Variants in ZNF804A observed in about 807,000 individuals in gnomAD.
ZNF804A encodes the protein zinc finger protein 804A.
Under a neutral mutation model 16.5 loss-of-function variants are expected in ZNF804A, and 2 were observed. That is an observed-to-expected ratio of 0.12 (90% CI 0.05 to 0.38). ZNF804A has a LOEUF of 0.38. ZNF804A is among the 10% of genes least tolerant of loss of function. ZNF804A has a pLI of 0.99. For synonymous variants in ZNF804A, 534 were observed against 489.6 expected (o/e 1.09, Z -1.20); for missense variants, 1,473 against 1,390.7 (o/e 1.06, Z -0.94).
chr2:184,639,824 A>G (rs1256435586), intron 1 of ZNF804A, among the ~76,000 whole-genome samples: 1 of 152,064 alleles, frequency 6.6e-6, no homozygotes, highest in Non-Finnish European at 1.5e-5. Context: ...AATATGGTGA[A>G]ACCCCGTCTC....
chr2:184,799,845 G>A (rs756051372), intron 1 of ZNF804A, among the ~76,000 whole-genome samples: 4 of 152,052 alleles, frequency 2.6e-5, no homozygotes, highest in Non-Finnish European at 4.4e-5. Context: ...CAGTTAGCCA[G>A]CAATTGTTTT....
At chr2:184,701,061 A>G (rs1173249407) in intron 1 of ZNF804A, among the ~76,000 whole-genome samples, 1 of 151,990 alleles carries the variant, frequency 6.6e-6, no homozygotes, top group Non-Finnish European at 1.5e-5. Context: ...ACCACATCAC[A>G]TTGAACCTCA....
chr2:184,688,794 C>T (rs1443161956), intron 1 of ZNF804A, among the ~76,000 whole-genome samples: 2 of 152,006 alleles, frequency 1.3e-5, no homozygotes, highest in Non-Finnish European at 2.9e-5. Context: ...CTTAATGATA[C>T]CCTAAAACCT....
At chr2:184,928,091 A>G (rs1583049) in intron 2 of ZNF804A, among the ~76,000 whole-genome samples, 104,577 of 151,732 alleles carry the variant, frequency 0.69, 36,280 homozygotes, top group East Asian at 0.85. Flanking sequence ...GCTGAGTTTC[A>G]CTGGGAGCCA....
intron 1 of ZNF804A, among the ~76,000 whole-genome samples, chr2:184,720,069 A>T (rs928836828): frequency 4.6e-5 from 7 of 152,124 alleles, no homozygotes; most frequent in Admixed American, 4.6e-4. Flanking sequence ...CATGGCAGAA[A>T]CTGAAATGCA....
At chr2:184,651,551 A>G (rs1559117843) in intron 1 of ZNF804A, among the ~76,000 whole-genome samples, 1 of 152,040 alleles carries the variant, frequency 6.6e-6, no homozygotes, top group East Asian at 1.9e-4. Context: ...TCTGACAAAC[A>G]TATCTATATC....
At position 184,693,695 on chromosome 2, in the gene ZNF804A, AT is replaced by A. The variant is rs1301834295; in HGVS notation, c.111+94632del. 2.0e-5 allele frequency among the ~76,000 whole-genome samples: 3 copies of A among 151,976 alleles called. No individual in the cohort carries two copies. In the South Asian group the frequency reaches 6.2e-4, roughly 32 times the overall value. On this transcript the variant is annotated intron_variant, in intron 1 of 3. Coordinates refer to ENST00000302277, the MANE Select transcript of ZNF804A (RefSeq NM_194250.2). ...TAGTTCCTATATGTGCCTATGCATT[AT>A]TTTTTTCTTTATTTTGTAAATGTTC...
intron 2 of ZNF804A, among the ~76,000 whole-genome samples, chr2:184,916,196 A>T (rs1343000855): frequency 6.6e-6 from 1 of 152,170 alleles, no homozygotes; most frequent in Admixed American, 6.5e-5. Context: ...AGGAAGCTTT[A>T]AGCCTATGGA....
intron 1 of ZNF804A, among the ~76,000 whole-genome samples, chr2:184,729,418 C>G (rs371943784): frequency 6.6e-6 from 1 of 151,910 alleles, no homozygotes; most frequent in African/African-American, 2.4e-5. Context: ...TATATGCCAA[C>G]AGTGAAACCA....
intron 1 of ZNF804A, among the ~76,000 whole-genome samples, chr2:184,860,049 G>T (rs1695772661): frequency 6.6e-6 from 1 of 152,210 alleles, no homozygotes; most frequent in African/African-American, 2.4e-5. Context: ...ATGAGGACTG[G>T]CTTGGAACCT....
intron 1 of ZNF804A, among the ~76,000 whole-genome samples, chr2:184,753,458 G>A (rs1389157734): frequency 6.6e-6 from 1 of 151,528 alleles, no homozygotes; most frequent in Non-Finnish European, 1.5e-5. Context: ...TTACAAAAAT[G>A]CCTCTCTGAT....
At chr2:184,615,712 G>C (rs1188141491) in intron 1 of ZNF804A, among the ~76,000 whole-genome samples, 3 of 152,026 alleles carry the variant, frequency 2.0e-5, no homozygotes, top group Non-Finnish European at 4.4e-5. Flanking sequence ...AGTGATATAA[G>C]GAATGTAGTT....
intron 1 of ZNF804A, among the ~76,000 whole-genome samples, chr2:184,670,636 T>C (rs1692326959): frequency 6.6e-6 from 1 of 152,150 alleles, no homozygotes; most frequent in Admixed American, 6.5e-5. Flanking sequence ...CTATGCCTTT[T>C]TAATACAATT....
chr2:184,880,400 A>G (rs1684790721), intron 2 of ZNF804A, among the ~76,000 whole-genome samples: 1 of 152,008 alleles, frequency 6.6e-6, no homozygotes, highest in African/African-American at 2.4e-5. Flanking sequence ...TCTTTGTACA[A>G]AATTATTTTT....
At chr2:184,618,701 T>C (rs778036629) in intron 1 of ZNF804A, among the ~76,000 whole-genome samples, 1 of 152,070 alleles carries the variant, frequency 6.6e-6, no homozygotes, top group Non-Finnish European at 1.5e-5. Flanking sequence ...TTCTATATAC[T>C]ATTAAGATTA....
chr2:184,873,921 A>G (rs1696014088), intron 2 of ZNF804A, among the ~76,000 whole-genome samples: 1 of 152,166 alleles, frequency 6.6e-6, no homozygotes, highest in Non-Finnish European at 1.5e-5. Context: ...TTGTAAATTT[A>G]TATATTAACA....
At chr2:184,916,851 C>CA (rs747977549) in intron 2 of ZNF804A, among the ~76,000 whole-genome samples, 66 of 149,432 alleles carry the variant, frequency 4.4e-4, no homozygotes, top group Non-Finnish European at 6.7e-4. Context: ...CCATCTCAAA[C>CA]AAAAAAACAA....
At chr2:184,706,672 C>G (rs149473570) in intron 1 of ZNF804A, among the ~76,000 whole-genome samples, 2 of 152,078 alleles carry the variant, frequency 1.3e-5, no homozygotes, top group African/African-American at 2.4e-5. Context: ...AAATACCTGA[C>G]CATCAGGATA....
chr2:184,689,032 A>G, intron 1 of ZNF804A, among the ~76,000 whole-genome samples: 1 of 152,288 alleles, frequency 6.6e-6, no homozygotes, highest in East Asian at 1.9e-4. Flanking sequence ...ATTTAACAAC[A>G]TTTAATAACA....
Sources: gnomAD v4.1 joint callset for allele counts (sites outside exome capture counted in the v4.1 genomes callset) on GRCh38, gnomAD v4.1.1 for gene constraint, MANE v1.5 for transcripts, NCBI Gene and HGNC (gene_info 2026-07-23, HGNC 2026-07-21) for gene names.